Variants in PDZD2 observed in about 807,000 individuals in gnomAD.
The protein encoded by PDZD2 is PDZ domain-containing protein 2.
A neutral mutation model predicts 220.7 loss-of-function variants in PDZD2; 90 were observed. That is an observed-to-expected ratio of 0.41 (90% CI 0.34 to 0.49). The LOEUF (loss-of-function observed/expected upper bound fraction) is 0.49, where lower values mean the gene tolerates loss of function less well. Among genes scored for constraint, PDZD2 ranks in the 20% least tolerant of loss-of-function variants. The pLI is 0.28. For synonymous variants in PDZD2, 1,375 were observed against 1,450.5 expected (o/e 0.95, Z 1.18); for missense variants, 3,174 against 3,608.5 (o/e 0.88, Z 3.08).
intron 7 of PDZD2, among the ~76,000 whole-genome samples, chr5:32,039,232 A>G (rs1402314528): frequency 6.7e-6 from 1 of 149,656 alleles, no homozygotes; most frequent in South Asian, 2.1e-4. Flanking sequence ...CGGCCTGCCG[A>G]GTGCCTGGGA....
chr5:31,678,421 C>A (rs805203), intron 1 of PDZD2, among the ~76,000 whole-genome samples: 148,610 of 152,018 alleles, frequency 0.98, 72,724 homozygotes, highest in East Asian at 1. Flanking sequence ...CCTTGTGGTG[C>A]TACTTCTGGA....
rs569436380 is a variant in PDZD2, at chr5:31,998,001, C to A, written c.1122-2138C>A. Among the ~76,000 whole-genome samples the A allele has an allele frequency of 7.0e-4, 106 of 152,224 alleles. 1 individual carries two copies. Among genetic ancestry groups the A allele is most frequent in the African/African-American group, 2.5e-3 (103 of 41,522 alleles). On this transcript the variant is annotated intron_variant, in intron 4 of 24. Transcript: ENST00000438447. Reference sequence around the variant, plus strand: ...GGGACTACAGGCGCTTGCCACCATACCCGGCTAATTTTTGTATTTTTAGTA... The same window carrying A: ...GGGACTACAGGCGCTTGCCACCATAACCGGCTAATTTTTGTATTTTTAGTA...
intron 2 of PDZD2, chr5:31,923,365 C>T: frequency 1.7e-6 from 2 of 1,184,532 alleles, no homozygotes; most frequent in East Asian, 4.7e-5. Context: ...ACGGCCATCG[C>T]CATGGTGAAG....
chr5:32,101,317 C>A lies in PDZD2; in HGVS notation c.8353+78C>A, dbSNP rs543955471. On this transcript the variant is annotated intron_variant, in intron 24 of 24. Coordinates refer to ENST00000438447, the MANE Select transcript of PDZD2 (RefSeq NM_178140.4). ...GATGTCTCAATGAAAAAAATGCCTT[C>A]CATTTAGAAATCAAAAAACCTAAAC... is the stretch of plus-strand genomic sequence containing the variant. 19 of 1,326,080 alleles carry A rather than the reference C, an allele frequency of 1.4e-5. No individual in the cohort carries two copies. The South Asian group carries it at 2.7e-4, about 19-fold the overall frequency. The allele number at this position is 1,326,080 out of a possible 1,614,324, so 82.1% of individuals were successfully genotyped here.
At chr5:31,730,567 TGTGTGTGTGTGTGTGTGTGTGTGTG>T (rs1749465667) in intron 1 of PDZD2, among the ~76,000 whole-genome samples, 1 of 111,140 alleles carries the variant, frequency 9.0e-6, no homozygotes, top group African/African-American at 3.4e-5. Context: ...TGTGTGTGTG[TGTGTGTGTGTGTGTGTGTGTGTGTG>T]GTGTGTGTGT....
intron 3 of PDZD2, among the ~76,000 whole-genome samples, chr5:31,988,457 C>G (rs1435207015): frequency 1.4e-5 from 2 of 140,174 alleles, no homozygotes; most frequent in Admixed American, 1.4e-4. Flanking sequence ...GGGTGCATCA[C>G]CCTCCTGGCA....
intron 21 of PDZD2, among the ~76,000 whole-genome samples, chr5:32,095,533 A>C (rs1052749412): frequency 5.9e-5 from 9 of 152,000 alleles, no homozygotes; most frequent in Non-Finnish European, 1.3e-4. Context: ...AACACACCCA[A>C]ACCTTGGAGA....
intron 6 of PDZD2, among the ~76,000 whole-genome samples, chr5:32,024,070 A>G (rs923234635): frequency 1.3e-5 from 2 of 152,224 alleles, no homozygotes; most frequent in Non-Finnish European, 1.5e-5. Flanking sequence ...GTGATCAAGC[A>G]GTTGTATTCT....
At chr5:32,103,385 C>T (rs935871546) in intron 24 of PDZD2, 1 of 151,638 alleles carries the variant, frequency 6.6e-6, no homozygotes, top group Non-Finnish European at 1.5e-5. Context: ...CCATTGCACT[C>T]CAGCCTGGAT....
chr5:31,805,850 G>A (rs1462384574), intron 2 of PDZD2, among the ~76,000 whole-genome samples: 3 of 152,094 alleles, frequency 2.0e-5, no homozygotes, highest in African/African-American at 7.2e-5. Context: ...GGGCAAATTC[G>A]GTCACAGACT....
intron 1 of PDZD2, chr5:31,747,941 G>GT (rs1430910553): frequency 1.3e-5 from 2 of 152,234 alleles, no homozygotes; most frequent in African/African-American, 2.4e-5. Flanking sequence ...GTATGTGATT[G>GT]TTTTTTCTCT....
chr5:31,690,573 C>G (rs1294048410), intron 1 of PDZD2, among the ~76,000 whole-genome samples: 4 of 152,178 alleles, frequency 2.6e-5, no homozygotes, highest in Non-Finnish European at 5.9e-5. Flanking sequence ...GTGGCCATCC[C>G]TGTTCCTTAG....
In PDZD2 at chr5:31,799,342, C is replaced by A; in HGVS notation, c.94C>A (p.Gln32Lys). The change falls in exon 2 of 25, where the codon CAG (glutamine) becomes AAG (lysine). Residue 32 changes from glutamine (Q) to lysine (K), a missense_variant. This residue lies in a region of PDZD2 where 632 missense variants were observed against 708.1 expected (regional missense o/e 0.89). Transcript: ENST00000438447. ...GCAGGAAGGTGGGGATGGGCCGGAGCAGCGGCTCTGCCAGGCGGCCATCCA... is the reference window on the plus strand; with the variant it reads ...GCAGGAAGGTGGGGATGGGCCGGAGAAGCGGCTCTGCCAGGCGGCCATCCA... The part of the protein sequence containing the change: ...SLQEGGDGPE[Q>K]RLCQAAIQKL... 1 of 1,614,212 alleles carries A rather than the reference C, an allele frequency of 6.2e-7. No individual in the cohort carries two copies. The highest frequency in any genetic ancestry group is 8.5e-7 in the Non-Finnish European group (1 of 1,180,024).
chr5:31,840,577 G>A (rs1423644725), intron 2 of PDZD2: 2 of 710,298 alleles, frequency 2.8e-6, no homozygotes, highest in Non-Finnish European at 5.2e-6. Context: ...TCTGCGTGGA[G>A]CAGGCTGGCA....
chr5:31,749,797 G>A (rs1317237557), intron 1 of PDZD2, among the ~76,000 whole-genome samples: 2 of 152,150 alleles, frequency 1.3e-5, no homozygotes, highest in African/African-American at 4.8e-5. Flanking sequence ...AAGTGTTCCT[G>A]GGTTGCTCCA....
chr5:31,725,180 A>C (rs906352324), intron 1 of PDZD2, among the ~76,000 whole-genome samples: 6 of 151,198 alleles, frequency 4.0e-5, no homozygotes, highest in African/African-American at 1.5e-4. Context: ...AAAATACAAC[A>C]AAAAAAAATT....
Position 32,000,075 on chromosome 5 carries a change from A to G in PDZD2, c.1122-64A>G, listed in dbSNP as rs962658426. On this transcript the variant is annotated intron_variant, in intron 4 of 24. Transcript: ENST00000438447. The surrounding 1 kb of genome is among the most constrained non-coding windows in gnomAD (Gnocchi z 4.5). Reference sequence around the variant, plus strand: ...CTCACAACCCTCCCTAGCTCCAGAAAATGGCCCTTCTCAGGCCCAGAATGT... The same window carrying G: ...CTCACAACCCTCCCTAGCTCCAGAAGATGGCCCTTCTCAGGCCCAGAATGT... 2.0e-6 allele frequency: 3 copies of G among 1,490,274 alleles called. No homozygotes were observed. The highest frequency in any genetic ancestry group is 2.8e-5 in the African/African-American group (2 of 72,558). The allele number at this position is 1,490,274 out of a possible 1,614,324, so 92.3% of individuals were successfully genotyped here. A position where few individuals can be genotyped will look rare whatever the true frequency, so the allele number is the denominator to read the frequency against.
At chr5:31,849,912 A>ACCAG (rs1561507000) in intron 2 of PDZD2, among the ~76,000 whole-genome samples, 1 of 23,886 alleles carries the variant, frequency 4.2e-5, no homozygotes, top group Admixed American at 4.9e-4. Flanking sequence ...ATACATATAT[A>ACCAG]TATATACATA....
chr5:31,938,889 T>G (rs996272281), intron 2 of PDZD2, among the ~76,000 whole-genome samples: 3 of 152,228 alleles, frequency 2.0e-5, no homozygotes, highest in Admixed American at 6.5e-5. Flanking sequence ...GTTTAACTTG[T>G]GTCGAAACTT....
Sources: gnomAD v4.1 joint callset for allele counts (sites outside exome capture counted in the v4.1 genomes callset) on GRCh38, gnomAD v4.1.1 for gene constraint, gnomAD v4.1.1 regional missense constraint, Gnocchi (gnomAD v3.1) non-coding constraint, MANE v1.5 for transcripts, NCBI Gene and HGNC (gene_info 2026-07-23, HGNC 2026-07-21) for gene names.